Variants in STK39 observed in about 807,000 individuals in gnomAD.
STK39 encodes the protein STE20/SPS1-related proline-alanine-rich protein kinase.
Under a neutral mutation model 77.8 loss-of-function variants are expected in STK39, and 20 were observed. The observed-to-expected ratio is 0.26, with a 90% confidence interval of 0.18 to 0.37. The LOEUF (loss-of-function observed/expected upper bound fraction) is 0.37, where lower values mean the gene tolerates loss of function less well. STK39 is among the 10% of genes least tolerant of loss of function. STK39 has a pLI of 1.00. For synonymous variants in STK39, 246 were observed against 234.1 expected (o/e 1.05, Z -0.47); for missense variants, 479 against 656.5 (o/e 0.73, Z 2.95).
intron 14 of STK39, among the ~76,000 whole-genome samples, chr2:168,045,597 A>G (rs1685219141): frequency 6.6e-6 from 1 of 152,234 alleles, no homozygotes; most frequent in Non-Finnish European, 1.5e-5. Flanking sequence ...CTTGCCCAGC[A>G]GGAGTTCAAT....
At chr2:168,145,190 G>A (rs573027682) in intron 5 of STK39, among the ~76,000 whole-genome samples, 30 of 152,272 alleles carry the variant, frequency 2.0e-4, no homozygotes, top group African/African-American at 7.2e-4. Context: ...GAAACGGCAT[G>A]AGCAAAGCAC....
At chr2:168,206,472 C>T (rs60247368) in intron 1 of STK39, among the ~76,000 whole-genome samples, 14,150 of 151,898 alleles carry the variant, frequency 0.093, 1,653 homozygotes, top group African/African-American at 0.27. Flanking sequence ...AGCTAATTTT[C>T]GTTATTTTTA....
At chr2:168,024,044 AGGAAGGGG>A (rs1279249641) in intron 14 of STK39, among the ~76,000 whole-genome samples, 1 of 152,172 alleles carries the variant, frequency 6.6e-6, no homozygotes, top group East Asian at 1.9e-4. Context: ...TATCAGGAGT[AGGAAGGGG>A]GCCTTTTAAA....
intron 16 of STK39, among the ~76,000 whole-genome samples, chr2:167,978,203 G>A (rs937403679): frequency 1.3e-5 from 2 of 152,134 alleles, no homozygotes; most frequent in African/African-American, 4.8e-5. Flanking sequence ...AGGCTGCATG[G>A]CCCCTAAACC....
intron 12 of STK39, 145 bp downstream of exon 12, chr2:168,074,837 G>T: frequency 1.1e-6 from 1 of 900,808 alleles, no homozygotes; most frequent in Non-Finnish European, 1.6e-6. Flanking sequence ...AACTCAGACA[G>T]AATTAGGAGC....
At chr2:168,051,630 AT>A (rs897700305) in intron 14 of STK39, among the ~76,000 whole-genome samples, 9 of 152,046 alleles carry the variant, frequency 5.9e-5, no homozygotes, top group Non-Finnish European at 1.3e-4. Context: ...CTCTTTTTTA[AT>A]TTTTTGAGAC....
At chr2:167,982,783 C>T (rs532218771) in intron 16 of STK39, among the ~76,000 whole-genome samples, 3 of 152,280 alleles carry the variant, frequency 2.0e-5, no homozygotes, top group Admixed American at 1.3e-4. Flanking sequence ...GCTATTTTCC[C>T]CCCACAAAGA....
At chr2:168,191,193 C>T (rs1031594704) in intron 1 of STK39, among the ~76,000 whole-genome samples, 4 of 152,160 alleles carry the variant, frequency 2.6e-5, no homozygotes, top group African/African-American at 9.7e-5. Flanking sequence ...AAAAAGGAAT[C>T]CCTCTGACTG....
At chr2:168,035,730 G>A (rs761350622) in intron 14 of STK39, among the ~76,000 whole-genome samples, 7 of 152,298 alleles carry the variant, frequency 4.6e-5, no homozygotes, top group South Asian at 4.1e-4. Context: ...TTCAGAGCTG[G>A]AAGGAAACTT....
At chr2:168,024,222 G>A (rs1684641481) in intron 14 of STK39, among the ~76,000 whole-genome samples, 1 of 152,206 alleles carries the variant, frequency 6.6e-6, no homozygotes, top group Admixed American at 6.5e-5. Context: ...CTTCACACGA[G>A]GAGGCCGCCT....
chr2:168,062,695 C>T (rs1685693983), intron 14 of STK39, among the ~76,000 whole-genome samples: 1 of 152,148 alleles, frequency 6.6e-6, no homozygotes, highest in East Asian at 1.9e-4. Context: ...CTGATGAACC[C>T]GCTTTTTGTA....
chr2:168,169,633 T>C (rs1688773659), intron 2 of STK39, among the ~76,000 whole-genome samples: 1 of 142,596 alleles, frequency 7.0e-6, no homozygotes, highest in South Asian at 2.2e-4. Context: ...GCAGTGAGCG[T>C]GTGTGTGTGT....
At chr2:168,163,550 C>A in intron 4 of STK39, 189 bp downstream of exon 4, 1 of 968,084 alleles carries the variant, frequency 1.0e-6, no homozygotes, top group Non-Finnish European at 1.2e-6. Flanking sequence ...AATGTCAATA[C>A]CTGCCTGCAA....
At chr2:167,987,762 T>C (rs1683598249) in intron 16 of STK39, among the ~76,000 whole-genome samples, 1 of 152,176 alleles carries the variant, frequency 6.6e-6, no homozygotes. Flanking sequence ...GTCCTTTTAA[T>C]GAGATTTTAA....
intron 16 of STK39, among the ~76,000 whole-genome samples, chr2:167,987,487 A>AT (rs1683590145): frequency 2.0e-5 from 3 of 150,242 alleles, no homozygotes; most frequent in Non-Finnish European, 4.4e-5. Context: ...GCTGGGACAA[A>AT]AATATATATA....
At chr2:168,126,012 A>G (rs1022244923) in intron 10 of STK39, among the ~76,000 whole-genome samples, 1 of 152,206 alleles carries the variant, frequency 6.6e-6, no homozygotes, top group Admixed American at 6.5e-5. Context: ...CATTAAAGAA[A>G]AATGCACATT....
chr2:168,103,295 C>T (rs909543619), intron 10 of STK39, among the ~76,000 whole-genome samples: 3 of 152,064 alleles, frequency 2.0e-5, no homozygotes, highest in Admixed American at 6.6e-5. Flanking sequence ...TAAATTTTAC[C>T]CAGCTACACT....
At chr2:167,982,607 C>G (rs1683449534) in intron 16 of STK39, among the ~76,000 whole-genome samples, 1 of 152,208 alleles carries the variant, frequency 6.6e-6, no homozygotes, top group Non-Finnish European at 1.5e-5. Context: ...ACTCTACTTA[C>G]AAGGGAGCTA....
chr2:168,074,458 A>T (rs1439703459), intron 12 of STK39, among the ~76,000 whole-genome samples: 1 of 152,238 alleles, frequency 6.6e-6, no homozygotes, highest in Non-Finnish European at 1.5e-5. Flanking sequence ...CAGGCCTCAA[A>T]GGGAAGCTGT....
Sources: gnomAD v4.1 joint callset for allele counts (sites outside exome capture counted in the v4.1 genomes callset) on GRCh38, gnomAD v4.1.1 for gene constraint, MANE v1.5 for transcripts, NCBI Gene and HGNC (gene_info 2026-07-23, HGNC 2026-07-21) for gene names.